IFT80: variants seen among roughly 807,000 people sequenced by gnomAD.
IFT80 encodes the protein intraflagellar transport protein 80 homolog.
A neutral mutation model predicts 107.9 loss-of-function variants in IFT80; 79 were observed. The observed-to-expected ratio is 0.73, with a 90% CI of 0.61 to 0.88. The LOEUF (loss-of-function observed/expected upper bound fraction) is 0.88. Ranked by LOEUF, IFT80 falls within the 40% of genes least tolerant of loss-of-function variation. The pLI is 0.00. For synonymous variants in IFT80, 299 were observed against 300.9 expected (o/e 0.99, Z 0.07); for missense variants, 797 against 914.2 (o/e 0.87, Z 1.65).
chr3:160,335,409 A>G (rs1321009064), intron 8 of IFT80, among the ~76,000 whole-genome samples: 1 of 151,786 alleles, frequency 6.6e-6, no homozygotes, highest in East Asian at 1.9e-4. Context: ...TTTAGTAGAG[A>G]CGGGGTTTTG....
intron 8 of IFT80, among the ~76,000 whole-genome samples, chr3:160,329,560 C>T (rs1241684447): frequency 6.6e-6 from 1 of 152,158 alleles, no homozygotes; most frequent in Admixed American, 6.6e-5. Context: ...GGTACCTTCC[C>T]TGTACTGGGA....
rs553334615 is a variant in IFT80, at chr3:160,378,668, C to T, written c.260-1128G>A. Among the ~76,000 whole-genome samples the T allele has an allele frequency of 4.8e-3, 734 of 151,736 alleles. 3 individuals are homozygous for T. The highest frequency in any genetic ancestry group is 0.01 in the Middle Eastern group (3 of 292). ...ATTTAAAAAAAAAAAATCACTGTAGCTGGCTTGATGGGGCTCCCACTGGCC... is the reference window on the plus strand; with the variant it reads ...ATTTAAAAAAAAAAAATCACTGTAGTTGGCTTGATGGGGCTCCCACTGGCC... On this transcript the variant is annotated intron_variant, in intron 3 of 19. Coordinates refer to ENST00000326448, the MANE Select transcript of IFT80 (RefSeq NM_020800.3).
In IFT80 at chr3:160,381,627, A is replaced by G. The variant is rs762238566; in HGVS notation, c.135T>C (p.Ser45=). The change falls in exon 3 of 20, where the codon AGT becomes AGC. Residue 45 remains serine (S), a synonymous_variant. Coordinates refer to ENST00000326448, the MANE Select transcript of IFT80 (RefSeq NM_020800.3). The part of the protein sequence containing the change: ...HQIVKWNLLT[S]ETTQIVKLPD... ...GAAGCTTTACTATTTGAGTTGTTTCACTGGTTAACAAGTTCCACTTCACTA... is the reference window on the plus strand; with the variant it reads ...GAAGCTTTACTATTTGAGTTGTTTCGCTGGTTAACAAGTTCCACTTCACTA... The G allele has an allele frequency of 6.2e-7, 1 of 1,612,878 alleles. No homozygotes were observed. Among genetic ancestry groups the G allele is most frequent in the Non-Finnish European group, 8.5e-7 (1 of 1,179,870 alleles).
At position 160,357,534 on chromosome 3, in the gene IFT80, C is replaced by T. The variant is rs780571311; in HGVS notation, c.594G>A (p.Ser198=). 9 of 1,598,306 alleles carry T rather than the reference C, an allele frequency of 5.6e-6. No homozygotes were observed. In the East Asian group the frequency reaches 1.6e-4, roughly 28 times the overall value. ...DGIILKVDWN[S]VNDLILSAGE... The stretch of plus-strand genomic sequence containing the variant: ...CAGCAGATAAAATAAGATCATTGAC[C>T]GAGTTCCAATCTACTTTTAAAATAA... The change falls in exon 7 of 20, where the codon TCG becomes TCA. Residue 198 remains serine (S), a synonymous_variant. Coordinates refer to ENST00000326448, the MANE Select transcript of IFT80 (RefSeq NM_020800.3).
intron 8 of IFT80, among the ~76,000 whole-genome samples, chr3:160,340,139 CATG>C (rs1719789370): frequency 6.6e-6 from 1 of 152,140 alleles, no homozygotes; most frequent in Non-Finnish European, 1.5e-5. Flanking sequence ...GTGTTACTCC[CATG>C]ATACTATTAT....
At chr3:160,293,073 T>C (rs1264343390) in intron 12 of IFT80, among the ~76,000 whole-genome samples, 7 of 152,174 alleles carry the variant, frequency 4.6e-5, no homozygotes, top group Non-Finnish European at 8.8e-5. Context: ...GGAGAAATAA[T>C]AGCTGAGAGT....
At chr3:160,383,923 C>T (rs992875309) in intron 2 of IFT80, 2 of 985,390 alleles carry the variant, frequency 2.0e-6, no homozygotes, top group Non-Finnish European at 2.4e-6. Flanking sequence ...CTAGATCACA[C>T]TAGCAAAGAA....
At chr3:160,385,023 T>C (rs557459449) in intron 1 of IFT80, among the ~76,000 whole-genome samples, 1 of 152,312 alleles carries the variant, frequency 6.6e-6, no homozygotes, top group East Asian at 1.9e-4. Flanking sequence ...CAAGGTGTGA[T>C]TGAGGGCTAA....
intron 3 of IFT80, among the ~76,000 whole-genome samples, chr3:160,380,493 A>T (rs1712392224): frequency 6.6e-6 from 1 of 152,140 alleles, no homozygotes; most frequent in Non-Finnish European, 1.5e-5. Context: ...TACCCAAGAG[A>T]TGGTGAGAAC....
chr3:160,320,629 C>T (rs1718138293), intron 8 of IFT80, among the ~76,000 whole-genome samples: 1 of 151,758 alleles, frequency 6.6e-6, no homozygotes, highest in African/African-American at 2.4e-5. Flanking sequence ...TTTTCAGATG[C>T]AACATATGTT....
chr3:160,363,421 T>C (rs1721640673), intron 6 of IFT80, among the ~76,000 whole-genome samples: 1 of 152,128 alleles, frequency 6.6e-6, no homozygotes, highest in Non-Finnish European at 1.5e-5. Flanking sequence ...ATCAGTATCG[T>C]GAAAATGGCC....
intron 1 of IFT80, among the ~76,000 whole-genome samples, chr3:160,397,364 C>T (rs925364029): frequency 1.3e-5 from 2 of 152,186 alleles, no homozygotes; most frequent in Non-Finnish European, 2.9e-5. Context: ...CTGTTTCCTC[C>T]ATATCATATC....
In IFT80 at chr3:160,355,375, A is replaced by G. The variant is rs1336051784; in HGVS notation, c.777+638T>C. ...GTGAGCCTCCCACCTCAGTCTTCCC[A>G]GTAGCTGGGACCACAGGTATGCACC... is the stretch of plus-strand genomic sequence containing the variant. On this transcript the variant is annotated intron_variant, in intron 8 of 19. Coordinates refer to ENST00000326448, the MANE Select transcript of IFT80 (RefSeq NM_020800.3). Among the ~76,000 whole-genome samples the G allele has an allele frequency of 3.3e-5, 5 of 152,110 alleles. 1 individual carries two copies.
Position 160,399,220 on chromosome 3 carries a change from A to C in IFT80, c.-121T>G, listed in dbSNP as rs574921607. 2 of 152,186 alleles carry C rather than the reference A, an allele frequency of 1.3e-5. No homozygotes were observed. The highest frequency in any genetic ancestry group is 6.5e-5 in the Admixed American group (1 of 15,286). The allele number at this position is 152,186 out of a possible 1,614,324, so 9.4% of individuals were successfully genotyped here. A position where few individuals can be genotyped will look rare whatever the true frequency, so the allele number is the denominator to read the frequency against. ...CCCCGTCACCATAGTGACTTCTAAG[A>C]GTTACGCTCCCTTCCTCTTCCCGCG... On this transcript the variant is annotated 5_prime_UTR_variant, in exon 1 of 20. Coordinates refer to ENST00000326448, the MANE Select transcript of IFT80 (RefSeq NM_020800.3).
chr3:160,361,451 A>C (rs922436056), intron 6 of IFT80, among the ~76,000 whole-genome samples: 1 of 152,176 alleles, frequency 6.6e-6, no homozygotes, highest in Non-Finnish European at 1.5e-5. Context: ...CCTACTGTCA[A>C]TATTAGACAG....
At chr3:160,272,290 C>T (rs1285921841) in intron 18 of IFT80, among the ~76,000 whole-genome samples, 1 of 152,000 alleles carries the variant, frequency 6.6e-6, no homozygotes, top group East Asian at 1.9e-4. Flanking sequence ...AATATAATTA[C>T]TGTTTACTTT....
rs1306989206 is a variant in IFT80, at chr3:160,277,600, G to A, written c.1907C>T (p.Ala636Val). 5 of 1,612,432 alleles carry A rather than the reference G, an allele frequency of 3.1e-6. No homozygotes were observed. The highest frequency in any genetic ancestry group is 1.7e-5 in the Admixed American group (1 of 59,952). The change falls in exon 17 of 20, where the codon GCC becomes GTC. Residue 636 changes from alanine to valine, a missense_variant. Transcript: ENST00000326448. The part of the protein sequence containing the change: ...ANRDMTTAEI[A>V]YAAIGEIDKV... Reference sequence around the variant, plus strand: ...ACTTACTTCACCAATTGCTGCATAGGCTATTTCTGCAGTAGTCATATCTCG... The same window carrying A: ...ACTTACTTCACCAATTGCTGCATAGACTATTTCTGCAGTAGTCATATCTCG...
chr3:160,301,527 T>TA (rs1312669989), intron 11 of IFT80, among the ~76,000 whole-genome samples: 1 of 151,926 alleles, frequency 6.6e-6, no homozygotes, highest in Non-Finnish European at 1.5e-5. Flanking sequence ...TGAAAATGAC[T>TA]AAAAAAATTA....
At chr3:160,295,518 G>T (rs542908731) in intron 12 of IFT80, among the ~76,000 whole-genome samples, 6 of 152,152 alleles carry the variant, frequency 3.9e-5, no homozygotes, top group Admixed American at 3.9e-4. Flanking sequence ...GAGGCAGGAG[G>T]ATCACTTGAG....
Sources: allele counts gnomAD v4.1 joint callset (sites outside exome capture counted in the v4.1 genomes callset), GRCh38; gene constraint gnomAD v4.1.1; transcripts MANE v1.5; gene names NCBI Gene and HGNC (gene_info 2026-07-23, HGNC 2026-07-21).